Variants in DCC observed in about 807,000 individuals in gnomAD.
DCC encodes DCC netrin 1 receptor, also known as netrin receptor DCC.
A neutral mutation model predicts 172.5 loss-of-function variants in DCC; 58 were observed. The ratio of observed to expected loss-of-function variants is 0.34; its 90% CI spans 0.27 to 0.42. The LOEUF (loss-of-function observed/expected upper bound fraction) is 0.42. Ranked by LOEUF, DCC falls within the 10% of genes least tolerant of loss-of-function variation. The pLI is 1.00. For synonymous variants in DCC, 709 were observed against 644.5 expected (o/e 1.10, Z -1.52); for missense variants, 1,740 against 1,791.0 (o/e 0.97, Z 0.51).
At chr18:53,462,423 C>T (rs769944490) in intron 24 of DCC, among the ~76,000 whole-genome samples, 46 of 151,698 alleles carry the variant, frequency 3.0e-4, no homozygotes, top group Non-Finnish European at 5.6e-4. Context: ...CTAGGCTGCA[C>T]GCTCCTTATA....
chr18:52,645,235 C>T (rs1001394521), intron 1 of DCC, among the ~76,000 whole-genome samples: 4 of 152,086 alleles, frequency 2.6e-5, no homozygotes, highest in African/African-American at 7.2e-5. Context: ...TAGTTCATCG[C>T]AGCTAGTAAG....
At chr18:52,770,267 T>A (rs554169846) in intron 2 of DCC, among the ~76,000 whole-genome samples, 2 of 152,276 alleles carry the variant, frequency 1.3e-5, no homozygotes, top group South Asian at 4.1e-4. Flanking sequence ...TCCTCCCACA[T>A]CAAGTCTTGG....
intron 12 of DCC, among the ~76,000 whole-genome samples, chr18:53,278,046 T>C (rs1214404589): frequency 6.6e-6 from 1 of 152,142 alleles, no homozygotes; most frequent in African/African-American, 2.4e-5. Flanking sequence ...TGTTTTTCTT[T>C]AAAGGGAGTT....
At chr18:52,482,623 A>G (rs1338002913) in intron 1 of DCC, among the ~76,000 whole-genome samples, 1 of 152,114 alleles carries the variant, frequency 6.6e-6, no homozygotes, top group Non-Finnish European at 1.5e-5. Flanking sequence ...AATTCCATTT[A>G]TGAGGTTTCC....
At chr18:53,510,393 C>A (rs1420159402) in intron 27 of DCC, among the ~76,000 whole-genome samples, 1 of 151,980 alleles carries the variant, frequency 6.6e-6, no homozygotes. Context: ...AGAATGGGAG[C>A]TAATTAAAAT....
At chr18:52,823,941 G>A (rs1224050514) in intron 2 of DCC, among the ~76,000 whole-genome samples, 1 of 152,186 alleles carries the variant, frequency 6.6e-6, no homozygotes, top group African/African-American at 2.4e-5. Context: ...TGTTTATACA[G>A]CTTGTACTAT....
At chr18:53,477,210 C>T (rs1438714305) in intron 25 of DCC, among the ~76,000 whole-genome samples, 2 of 152,170 alleles carry the variant, frequency 1.3e-5, no homozygotes, top group Middle Eastern at 3.4e-3. Context: ...GGTTTCACCA[C>T]GTTGCCCAGG....
intron 2 of DCC, among the ~76,000 whole-genome samples, chr18:52,855,873 C>A (rs1269773886): frequency 6.9e-6 from 1 of 145,866 alleles, no homozygotes; most frequent in Non-Finnish European, 1.5e-5. Flanking sequence ...TCATGCAGTT[C>A]TCCTGCCTCA....
intron 2 of DCC, among the ~76,000 whole-genome samples, chr18:52,827,057 C>T (rs951482102): frequency 1.3e-5 from 2 of 152,032 alleles, no homozygotes; most frequent in Admixed American, 6.6e-5. Flanking sequence ...TTTTATAGCC[C>T]GGACTTGAGC....
chr18:53,157,950 C>T (rs939995767), intron 8 of DCC, among the ~76,000 whole-genome samples: 12 of 152,034 alleles, frequency 7.9e-5, no homozygotes, highest in African/African-American at 2.9e-4. Context: ...ATAATACCTA[C>T]CTTAAAATAT....
At chr18:53,342,556 A>G (rs1262110485) in intron 15 of DCC, among the ~76,000 whole-genome samples, 1 of 151,292 alleles carries the variant, frequency 6.6e-6, no homozygotes, top group African/African-American at 2.4e-5. Context: ...TGGCATTTTT[A>G]AAAGAGCATT....
chr18:53,383,841 A>T (rs771304330), intron 15 of DCC, among the ~76,000 whole-genome samples: 3 of 152,026 alleles, frequency 2.0e-5, no homozygotes, highest in Non-Finnish European at 4.4e-5. Flanking sequence ...TCTCAGGGAC[A>T]GAGGGGATGA....
chr18:52,364,262 T>A (rs1984746205), intron 1 of DCC, among the ~76,000 whole-genome samples: 1 of 152,232 alleles, frequency 6.6e-6, no homozygotes, highest in Non-Finnish European at 1.5e-5. Context: ...CTATGATTGC[T>A]ATAAAGATTT....
intron 12 of DCC, among the ~76,000 whole-genome samples, chr18:53,278,515 A>G (rs1417132914): frequency 6.6e-6 from 1 of 152,126 alleles, no homozygotes; most frequent in Admixed American, 6.6e-5. Flanking sequence ...AATGAGGTAG[A>G]GGTAAAACAG....
At chr18:52,762,246 C>T (rs2037172952) in intron 2 of DCC, among the ~76,000 whole-genome samples, 2 of 150,580 alleles carry the variant, frequency 1.3e-5, no homozygotes, top group African/African-American at 4.9e-5. Context: ...GCTGAGATGG[C>T]AGGATTGCTT....
Position 53,178,910 on chromosome 18 carries a change from G to A in DCC, c.1419-52G>A. The A allele has an allele frequency of 3.1e-6, 5 of 1,605,998 alleles. No homozygotes were observed. The South Asian group carries it at 5.5e-5, about 18-fold the overall frequency. On this transcript the variant is annotated intron_variant, in intron 8 of 28. Coordinates refer to ENST00000442544, the MANE Select transcript of DCC (RefSeq NM_005215.4). Reference sequence around the variant, plus strand: ...TCTTGCACATCAAATACAGATTTTGGCTGAAGGTATTCTTTTTGGAATAAT... The same window carrying A: ...TCTTGCACATCAAATACAGATTTTGACTGAAGGTATTCTTTTTGGAATAAT...
chr18:53,059,296 A>T (rs781249048), intron 5 of DCC, among the ~76,000 whole-genome samples: 20 of 152,158 alleles, frequency 1.3e-4, no homozygotes, highest in Non-Finnish European at 2.4e-4. Context: ...GTATCAGTGT[A>T]TATATTATAG....
intron 15 of DCC, among the ~76,000 whole-genome samples, chr18:53,354,878 A>T (rs1294184302): frequency 1.3e-5 from 2 of 150,810 alleles, no homozygotes; most frequent in Non-Finnish European, 2.9e-5. Flanking sequence ...GGTATTGCCT[A>T]GGTTTTCTTC....
chr18:52,846,011 T>C (rs1349431645), intron 2 of DCC, among the ~76,000 whole-genome samples: 1 of 152,210 alleles, frequency 6.6e-6, no homozygotes, highest in Non-Finnish European at 1.5e-5. Flanking sequence ...GTTGCCTCAG[T>C]CTAATGTTCT....
Sources: gnomAD v4.1 joint callset for allele counts (sites outside exome capture counted in the v4.1 genomes callset) on GRCh38, gnomAD v4.1.1 for gene constraint, MANE v1.5 for transcripts, NCBI Gene and HGNC (gene_info 2026-07-23, HGNC 2026-07-21) for gene names.